The following RNF168 variants were observed in gnomAD, a reference collection of about 807,000 sequenced individuals.
RNF168 encodes the protein E3 ubiquitin-protein ligase RNF168.
In RNF168, 34 loss-of-function variants were observed where a neutral mutation model predicts 34.9. The ratio of observed to expected loss-of-function variants is 0.97; its 90% CI spans 0.74 to 1.30. The LOEUF is 1.30. Ranked by LOEUF, RNF168 falls within the 50% of genes most tolerant of loss-of-function variation. RNF168 has a pLI of 0.00. For synonymous variants in RNF168, 264 were observed against 254.7 expected (o/e 1.04, Z -0.35); for missense variants, 725 against 682.5 (o/e 1.06, Z -0.69).
At chr3:196,502,722 G>T in intron 1 of RNF168, 151 bp downstream of exon 1, 1 of 724,410 alleles carries the variant, frequency 1.4e-6, no homozygotes, top group Non-Finnish European at 2.4e-6. Flanking sequence ...CGACATTTGG[G>T]GACCCATAAA....
chr3:196,471,613 G>T lies in RNF168; in HGVS notation c.*206C>A, dbSNP rs1328109030. On this transcript the variant is annotated 3_prime_UTR_variant, in exon 6 of 6. Transcript: ENST00000318037. ...CTTAATACACATCTGTTATTAAGAA[G>T]GGAAACGACAGGGGACCCCTGCTTA... is the stretch of plus-strand genomic sequence containing the variant. The T allele has an allele frequency of 1.0e-5, 6 of 571,980 alleles. No individual in the cohort carries two copies. In the East Asian group the frequency reaches 1.7e-4, roughly 17 times the overall value. 35.4% of individuals were successfully genotyped at this position (571,980 alleles called of 1,614,324 possible). A position where few individuals can be genotyped will look rare whatever the true frequency, so the allele number is the denominator to read the frequency against.
intron 4 of RNF168, among the ~76,000 whole-genome samples, chr3:196,476,771 CAG>C (rs532687396): frequency 1.4e-3 from 216 of 149,730 alleles, no homozygotes; most frequent in Non-Finnish European, 2.1e-3. Context: ...TTTTTTGAGA[CAG>C]AGTCTCACTC....
rs1431146976 is a variant in RNF168, at chr3:196,469,133, TTAAA to T, written c.*2682_*2685del. Reference sequence around the variant, plus strand: ...TTGGTCACAGACTATTCCAGGAAGATTAAATAGATAACGTTTAATTTGAGGCATT... The same window carrying T: ...TTGGTCACAGACTATTCCAGGAAGATTAGATAACGTTTAATTTGAGGCATT... On this transcript the variant is annotated 3_prime_UTR_variant, in exon 6 of 6. Transcript: ENST00000318037. 1 of 152,114 alleles carries T rather than the reference TTAAA, an allele frequency of 6.6e-6. No individual in the cohort carries two copies. Among genetic ancestry groups the T allele is most frequent in the African/African-American group, 2.4e-5 (1 of 41,414 alleles). 9.4% of individuals were successfully genotyped at this position (152,114 alleles called of 1,614,324 possible). A position where few individuals can be genotyped will look rare whatever the true frequency, so the allele number is the denominator to read the frequency against.
intron 4 of RNF168, among the ~76,000 whole-genome samples, chr3:196,475,840 G>A (rs1285714000): frequency 6.8e-6 from 1 of 147,402 alleles, no homozygotes; most frequent in African/African-American, 2.5e-5. Flanking sequence ...GTGAGCCACT[G>A]AGCCCGGCTA....
chr3:196,475,232 T>C lies in RNF168; in HGVS notation c.761A>G (p.Lys254Arg), dbSNP rs1283868486. 1.3e-6 allele frequency: 2 copies of C among 1,549,768 alleles called. No homozygotes were observed. The highest frequency in any genetic ancestry group is 1.8e-6 in the Non-Finnish European group (2 of 1,121,278). The change falls in exon 5 of 6, where the codon AAG becomes AGG. Residue 254 changes from lysine to arginine, a missense_variant and splice_region_variant. Lys to Arg is a conservative substitution (Grantham distance 26). Transcript: ENST00000318037. Reference protein sequence around the residue: ...VQEVRKDSVSKDIDSSDRKSP... With the variant: ...VQEVRKDSVSRDIDSSDRKSP... Reference sequence around the variant, plus strand: ...AGAACATCTTCAGTATCAACATACCTTAGATACGGAGTCTTTCCTGACTTC... The same window carrying C: ...AGAACATCTTCAGTATCAACATACCCTAGATACGGAGTCTTTCCTGACTTC...
intron 1 of RNF168, among the ~76,000 whole-genome samples, chr3:196,491,589 T>C (rs757619713): frequency 2.6e-4 from 39 of 152,030 alleles, no homozygotes; most frequent in South Asian, 8.3e-4. Context: ...GAGCTTGCAG[T>C]GAGCCGAGAT....
chr3:196,494,793 C>G (rs1404775918), intron 1 of RNF168, among the ~76,000 whole-genome samples: 1 of 152,118 alleles, frequency 6.6e-6, no homozygotes, highest in Non-Finnish European at 1.5e-5. Context: ...GAGGATGAGG[C>G]AGGAGTATCA....
At position 196,472,508 on chromosome 3, in the gene RNF168, T is replaced by A. The variant is rs757710806; in HGVS notation, c.1027A>T (p.Thr343Ser). 1 of 1,614,196 alleles carries A rather than the reference T, an allele frequency of 6.2e-7. No individual in the cohort carries two copies. Residue 343 changes from threonine to serine, a missense_variant, in exon 6 of 6, where the codon ACT becomes TCT. Transcript: ENST00000318037. ...GTTCTGCCACAAGGCATAACTGCAG[T>A]TTCTTTCGAGTAGGGAACTCTGGTT... is the stretch of plus-strand genomic sequence containing the variant. ...PKTRVPYSKE[T>S]AVMPCGRTES...
At chr3:196,482,065 C>T (rs2108648010) in intron 4 of RNF168, among the ~76,000 whole-genome samples, 1 of 151,870 alleles carries the variant, frequency 6.6e-6, no homozygotes, top group South Asian at 2.1e-4. Context: ...CCTCAGCCTC[C>T]CATGTAGCTG....
Position 196,472,346 on chromosome 3 carries a change from C to T in RNF168, c.1189G>A (p.Ala397Thr). The change falls in exon 6 of 6, where the codon GCA (alanine) becomes ACA (threonine). Residue 397 changes from alanine (A) to threonine (T), a missense_variant. By Grantham distance (58) the Ala-to-Thr change is moderately conservative. Coordinates refer to ENST00000318037, the MANE Select transcript of RNF168 (RefSeq NM_152617.4). ...GCAGAAAAGCATGGATCCTTGACTGCTTCAAAGGAAGATTCTTGGTTTTTT... is the reference window on the plus strand; with the variant it reads ...GCAGAAAAGCATGGATCCTTGACTGTTTCAAAGGAAGATTCTTGGTTTTTT... ...KRKNQESSFE[A>T]VKDPCFSAKR... 1.2e-6 allele frequency: 2 copies of T among 1,614,074 alleles called. No individual in the cohort carries two copies. The highest frequency in any genetic ancestry group is 1.7e-6 in the Non-Finnish European group (2 of 1,179,976).
intron 5 of RNF168, chr3:196,474,861 C>T: frequency 3.8e-6 from 1 of 265,728 alleles, no homozygotes; most frequent in East Asian, 9.3e-5. Context: ...CCAAATCCAG[C>T]CTCCTGCCTG....
At chr3:196,484,473 C>CTTTTTT (rs377178675) in intron 3 of RNF168, among the ~76,000 whole-genome samples, 2 of 97,432 alleles carry the variant, frequency 2.1e-5, no homozygotes, top group East Asian at 2.4e-4. Flanking sequence ...CGCGCCCGGC[C>CTTTTTT]TTTTTTTTTT....
intron 1 of RNF168, among the ~76,000 whole-genome samples, chr3:196,489,092 G>T (rs543522199): frequency 7.2e-5 from 11 of 152,226 alleles, no homozygotes; most frequent in African/African-American, 2.6e-4. Flanking sequence ...CTGACCTCAA[G>T]TGATCCACCC....
intron 4 of RNF168, among the ~76,000 whole-genome samples, chr3:196,481,189 T>C (rs1732277901): frequency 6.6e-6 from 1 of 152,198 alleles, no homozygotes; most frequent in African/African-American, 2.4e-5. Flanking sequence ...TTTATCTCCT[T>C]TTATTGTGTT....
rs769622825 is a variant in RNF168 at position 196,472,248 on chromosome 3, CAGTT to C, written c.1283_1286del (p.Lys428ArgfsTer2). 1 of 1,613,942 alleles carries C rather than the reference CAGTT, an allele frequency of 6.2e-7. No individual in the cohort carries two copies. The highest frequency in any genetic ancestry group is 1.1e-5 in the South Asian group (1 of 91,062). On this transcript the variant is annotated frameshift_variant, in exon 6 of 6. Coordinates refer to ENST00000318037, the MANE Select transcript of RNF168 (RefSeq NM_152617.4). LOFTEE classifies it low-confidence loss of function (END_TRUNC). The stretch of plus-strand genomic sequence containing the variant: ...CAAACAGTAGATGCTCCAAATCTAT[CAGTT>C]TTTGGGTAAAGTTTATTTCTGTTTC...
At chr3:196,483,230 A>G (rs1732339390) in intron 4 of RNF168, among the ~76,000 whole-genome samples, 1 of 152,148 alleles carries the variant, frequency 6.6e-6, no homozygotes, top group Non-Finnish European at 1.5e-5. Flanking sequence ...CAGTTGAACC[A>G]GAAGTCCTTA....
chr3:196,501,644 A>G (rs879639322), intron 1 of RNF168, among the ~76,000 whole-genome samples: 4 of 152,234 alleles, frequency 2.6e-5, no homozygotes, highest in Admixed American at 6.5e-5. Context: ...GGTGATGGTT[A>G]CATTGTGAAT....
At position 196,470,260 on chromosome 3, in the gene RNF168, G is replaced by A. The variant is rs1029513336; in HGVS notation, c.*1559C>T. Reference sequence around the variant, plus strand: ...CACATCCTCATCTGGACCAGTTTCTGACCACCCAATCAGTTTCAATGATCC... The same window carrying A: ...CACATCCTCATCTGGACCAGTTTCTAACCACCCAATCAGTTTCAATGATCC... On this transcript the variant is annotated 3_prime_UTR_variant, in exon 6 of 6. Transcript: ENST00000318037. 7.2e-6 allele frequency: 1 copy of A among 137,982 alleles called. No individual in the cohort carries two copies. Among genetic ancestry groups the A allele is most frequent in the East Asian group, 2.2e-4 (1 of 4,604 alleles). 8.5% of individuals were successfully genotyped at this position (137,982 alleles called of 1,614,324 possible).
At chr3:196,477,162 T>C (rs868656714) in intron 4 of RNF168, among the ~76,000 whole-genome samples, 23 of 152,230 alleles carry the variant, frequency 1.5e-4, no homozygotes, top group Admixed American at 1.1e-3. Context: ...AAAGGCAGGC[T>C]ACAAGATGGT....
Sources: allele counts gnomAD v4.1 joint callset (sites outside exome capture counted in the v4.1 genomes callset), GRCh38; gene constraint gnomAD v4.1.1; transcripts MANE v1.5; gene names NCBI Gene and HGNC (gene_info 2026-07-23, HGNC 2026-07-21).